Variants in FAM78B observed in about 807,000 individuals in gnomAD.
FAM78B encodes the protein family with sequence similarity 78 member B.
Under a neutral mutation model 20.0 loss-of-function variants are expected in FAM78B, and 10 were observed. The ratio of observed to expected loss-of-function variants is 0.50; its 90% CI spans 0.31 to 0.85. FAM78B has a LOEUF of 0.85. Among genes scored for constraint, FAM78B ranks in the 40% least tolerant of loss-of-function variants. The probability of loss-of-function intolerance (pLI) is 0.05; values close to 1 mark genes in which losing one functional copy is unlikely to be tolerated. For synonymous variants in FAM78B, 135 were observed against 132.8 expected (o/e 1.02, Z -0.12); for missense variants, 283 against 345.0 (o/e 0.82, Z 1.42).
chr1:166,064,619 G>A (rs2101943976), downstream of FAM78B, among the ~76,000 whole-genome samples: 1 of 152,298 alleles, frequency 6.6e-6, no homozygotes, highest in East Asian at 1.9e-4. Flanking sequence ...TGGGGGAAAT[G>A]GGACCCACTC....
At chr1:166,137,424 A>C (rs1655107345) in intron 1 of FAM78B, among the ~76,000 whole-genome samples, 1 of 152,172 alleles carries the variant, frequency 6.6e-6, no homozygotes, top group African/African-American at 2.4e-5. Flanking sequence ...AGCATCAGAA[A>C]ACAGATGTAT....
Position 166,070,868 on chromosome 1 carries a change from G to T in FAM78B, c.264-105C>A, listed in dbSNP as rs1557887899. The T allele has an allele frequency of 5.4e-6, 7 of 1,294,782 alleles. No individual in the cohort carries two copies. In the East Asian group the frequency reaches 1.7e-4, roughly 32 times the overall value. 80.2% of individuals were successfully genotyped at this position (1,294,782 alleles called of 1,614,324 possible). A position where few individuals can be genotyped will look rare whatever the true frequency, so the allele number is the denominator to read the frequency against. ...CTAACATAGTCAACTTGGGCAAAAT[G>T]GGAAGTTCACAGGGGGAATTCAGGG... On this transcript the variant is annotated intron_variant, in intron 1 of 1. Coordinates refer to ENST00000354422, the MANE Select transcript of FAM78B (RefSeq NM_001017961.5).
At chr1:166,084,708 G>C (rs1652743785) in intron 1 of FAM78B, among the ~76,000 whole-genome samples, 1 of 152,196 alleles carries the variant, frequency 6.6e-6, no homozygotes, top group Admixed American at 6.5e-5. Context: ...CCTCCTGAAT[G>C]AGTCTCCTGT....
chr1:166,153,596 C>T (rs2101800134), intron 1 of FAM78B, among the ~76,000 whole-genome samples: 1 of 152,306 alleles, frequency 6.6e-6, no homozygotes, highest in East Asian at 1.9e-4. Context: ...GCCTCCTCCT[C>T]TACGCAGGTC....
At chr1:166,076,834 G>C (rs193108053) in intron 1 of FAM78B, among the ~76,000 whole-genome samples, 259 of 152,312 alleles carry the variant, frequency 1.7e-3, no homozygotes, top group African/African-American at 6.0e-3. Context: ...CACTGTGTCT[G>C]AGTTAATTGC....
Position 166,166,368 on chromosome 1 carries a change from C to T in FAM78B, c.-120G>A. On this transcript the variant is annotated 5_prime_UTR_variant, in exon 1 of 2. Coordinates refer to ENST00000354422, the MANE Select transcript of FAM78B (RefSeq NM_001017961.5). ...CGCTCGCTCCCGGTCAGACTCAGCT[C>T]GCACCTAGGAGCGGGGAGCCGCCGG... 1 of 924,938 alleles carries T rather than the reference C, an allele frequency of 1.1e-6. No homozygotes were observed. Among genetic ancestry groups the T allele is most frequent in the Non-Finnish European group, 1.3e-6 (1 of 763,900 alleles). The allele number at this position is 924,938 out of a possible 1,614,324, so 57.3% of individuals were successfully genotyped here. A position where few individuals can be genotyped will look rare whatever the true frequency, so the allele number is the denominator to read the frequency against.
At chr1:166,124,925 A>G (rs1393799898) in intron 1 of FAM78B, among the ~76,000 whole-genome samples, 1 of 152,142 alleles carries the variant, frequency 6.6e-6, no homozygotes, top group Non-Finnish European at 1.5e-5. Context: ...ACACCCAGCA[A>G]GCTGGTCAGT....
chr1:166,164,025 T>C (rs943881118), intron 1 of FAM78B, among the ~76,000 whole-genome samples: 1 of 152,244 alleles, frequency 6.6e-6, no homozygotes, highest in South Asian at 2.1e-4. Context: ...ATACCTTCCC[T>C]ATAGATTCCA....
intron 1 of FAM78B, among the ~76,000 whole-genome samples, chr1:166,097,302 G>C (rs1245287124): frequency 1.3e-5 from 2 of 152,308 alleles, no homozygotes; most frequent in East Asian, 1.9e-4. Flanking sequence ...CTCCACAGGG[G>C]GAAGGAATTC....
Position 166,070,618 on chromosome 1 carries a change from T to C in FAM78B, c.409A>G (p.Ser137Gly), listed in dbSNP as rs992153172. 4.3e-6 allele frequency: 7 copies of C among 1,613,808 alleles called. No homozygotes were observed. The highest frequency in any genetic ancestry group is 5.1e-6 in the Non-Finnish European group (6 of 1,180,028). The change falls in exon 2 of 2, where the codon AGC becomes GGC. Residue 137 changes from serine (S) to glycine (G), a missense_variant. By Grantham distance (56) the Ser-to-Gly change is moderately conservative. Coordinates refer to ENST00000354422, the MANE Select transcript of FAM78B (RefSeq NM_001017961.5). ...PTNKISRFSV[S>G]MNDNFYPSVT... ...CTGGGGTAGAAGTTGTCATTCATGC[T>C]GACGGAGAACCTGGAGATCTTGTTG... is the stretch of plus-strand genomic sequence containing the variant.
intron 1 of FAM78B, chr1:166,082,818 C>T (rs575934826): frequency 1.2e-3 from 186 of 152,460 alleles, no homozygotes; most frequent in Non-Finnish European, 2.1e-3. Flanking sequence ...GAGAGTCCCA[C>T]GTGACAGCCG....
At chr1:166,152,873 T>C (rs1214150641) in intron 1 of FAM78B, among the ~76,000 whole-genome samples, 1 of 152,020 alleles carries the variant, frequency 6.6e-6, no homozygotes, top group Non-Finnish European at 1.5e-5. Flanking sequence ...AGACGAGGTT[T>C]CACCATGTTG....
chr1:166,164,949 G>C (rs1011941790), intron 1 of FAM78B: 2 of 152,246 alleles, frequency 1.3e-5, no homozygotes, highest in Non-Finnish European at 2.9e-5. Flanking sequence ...TATTGTCGTT[G>C]CCACCTGCTC....
chr1:166,099,320 A>G (rs1266354632), intron 1 of FAM78B, among the ~76,000 whole-genome samples: 1 of 152,258 alleles, frequency 6.6e-6, no homozygotes, highest in Non-Finnish European at 1.5e-5. Context: ...CACAGGACCT[A>G]TAAAACAAAA....
intron 1 of FAM78B, among the ~76,000 whole-genome samples, chr1:166,100,414 G>T (rs552941516): frequency 4.6e-5 from 7 of 152,220 alleles, no homozygotes; most frequent in Admixed American, 6.5e-5. Context: ...CCCAGGAAGT[G>T]CAAGGGGTCA....
intron 1 of FAM78B, among the ~76,000 whole-genome samples, chr1:166,087,992 T>TTACC (rs1030323533): frequency 6.6e-6 from 1 of 152,088 alleles, no homozygotes; most frequent in African/African-American, 2.4e-5. Context: ...TCTGCTGCTT[T>TTACC]TACCTTCTGC....
chr1:166,135,762 T>C (rs1181502895), intron 1 of FAM78B, among the ~76,000 whole-genome samples: 3 of 152,210 alleles, frequency 2.0e-5, no homozygotes, highest in East Asian at 1.9e-4. Context: ...GGAGCAGCCA[T>C]AGCACTTTTA....
chr1:166,141,196 G>T (rs1655263320), intron 1 of FAM78B, among the ~76,000 whole-genome samples: 1 of 152,192 alleles, frequency 6.6e-6, no homozygotes, highest in Non-Finnish European at 1.5e-5. Flanking sequence ...TAGGTACTGG[G>T]GACAGCAATG....
intron 1 of FAM78B, among the ~76,000 whole-genome samples, chr1:166,143,678 T>C (rs1449256371): frequency 6.6e-6 from 1 of 152,008 alleles, no homozygotes; most frequent in Admixed American, 6.6e-5. Flanking sequence ...TGGGAGGCCA[T>C]GGCAGTAATG....
Sources: allele counts gnomAD v4.1 joint callset (sites outside exome capture counted in the v4.1 genomes callset), GRCh38; gene constraint gnomAD v4.1.1; transcripts MANE v1.5; gene names NCBI Gene and HGNC (gene_info 2026-07-23, HGNC 2026-07-21).